The following USP7 variants were observed in gnomAD, a reference collection of about 807,000 sequenced individuals.
USP7 encodes the protein ubiquitin C-terminal hydrolase 7.
USP7 carries 9 observed loss-of-function variants against 162.9 expected under a neutral mutation model. The observed-to-expected ratio is 0.06, with a 90% CI of 0.03 to 0.10. USP7 has a LOEUF of 0.10. Among genes scored for constraint, USP7 ranks in the 10% least tolerant of loss-of-function variants. The pLI, the probability that USP7 is intolerant of heterozygous loss-of-function variation, is 1.00. For synonymous variants in USP7, 562 were observed against 475.9 expected (o/e 1.18, Z -2.35); for missense variants, 715 against 1,373.7 (o/e 0.52, Z 7.58).
At chr16:8,895,010 C>A in intron 28 of USP7, 21 bp downstream of exon 28, 2 of 1,614,164 alleles carry the variant, frequency 1.2e-6, no homozygotes, top group South Asian at 2.2e-5. Context: ...GTGAGCCACT[C>A]GGCCAACCAC....
intron 25 of USP7, among the ~76,000 whole-genome samples, 190 bp downstream of exon 25, chr16:8,898,170 G>A (rs2061719009): frequency 2.6e-5 from 4 of 152,136 alleles, no homozygotes; most frequent in Admixed American, 2.6e-4. Flanking sequence ...CACATGTCAT[G>A]CACCCCAGAG....
rs1227310309 is a variant in USP7 at position 8,953,525 on chromosome 16, A to G, written c.79+9682T>C. ...ACGTGCCCCATGCGGTGCCACTGGA[A>G]GCAGAGGGAAGACACGTGCCCCATG... On this transcript the variant is annotated intron_variant, in intron 1 of 30. Transcript: ENST00000344836. 4.3e-3 allele frequency among the ~76,000 whole-genome samples: 390 copies of G among 91,110 alleles called. No individual in the cohort carries two copies. The Middle Eastern group carries it at 0.043, about 10-fold the overall frequency. The allele number at this position is 91,110 out of a possible 152,430, so 59.8% of individuals were successfully genotyped here.
At chr16:8,924,918 A>T (rs1418557171) in intron 2 of USP7, among the ~76,000 whole-genome samples, 1 of 152,238 alleles carries the variant, frequency 6.6e-6, no homozygotes, top group Non-Finnish European at 1.5e-5. Flanking sequence ...AAAGAGGCGC[A>T]TCTTGTCCAA....
intron 11 of USP7, among the ~76,000 whole-genome samples, chr16:8,909,951 A>G (rs1241559888): frequency 2.0e-5 from 3 of 152,070 alleles, no homozygotes; most frequent in Non-Finnish European, 2.9e-5. Context: ...TTTCTGATCT[A>G]TACCTCAGTC....
rs1302369625 is a variant in USP7, at chr16:8,919,011, G to A, written c.720+20C>T. ...AAAGGGTGAGCGGAAGGCTGCAGGA[G>A]AGGAACACTATCCATTTACCTTTCG... On this transcript the variant is annotated intron_variant, in intron 6 of 30. Coordinates refer to ENST00000344836, the MANE Select transcript of USP7 (RefSeq NM_003470.3). 3 of 1,610,310 alleles carry A rather than the reference G, an allele frequency of 1.9e-6. No individual in the cohort carries two copies. The highest frequency in any genetic ancestry group is 2.5e-6 in the Non-Finnish European group (3 of 1,177,880).
chr16:8,929,663 C>A (rs1898204934), intron 2 of USP7: 2 of 440,854 alleles, frequency 4.5e-6, no homozygotes, highest in Non-Finnish European at 9.2e-6. Flanking sequence ...TCCCTACTCA[C>A]AAGTGTGACT....
chr16:8,894,467 C>T (rs2061650891), intron 30 of USP7, 83 bp downstream of exon 30: 1 of 1,432,904 alleles, frequency 7.0e-7, no homozygotes, highest in Non-Finnish European at 9.5e-7. Context: ...GCACTTGACC[C>T]TGGGGCTGCC....
At chr16:8,900,693 A>T (rs1596354267) in intron 20 of USP7, 63 bp from the exon 21 acceptor site, 1 of 1,223,976 alleles carries the variant, frequency 8.2e-7, no homozygotes, top group Non-Finnish European at 1.2e-6. Context: ...ATGGCCAGAT[A>T]GTCTTCCATG....
chr16:8,893,772 A>T lies in USP7; in HGVS notation c.*226T>A, dbSNP rs2061640120. On this transcript the variant is annotated 3_prime_UTR_variant, in exon 31 of 31. Transcript: ENST00000344836. ...CCTTGCACTGTGGTTACCATAAAATAACTCTCATTGGCATCCAAGCTTTAT... is the reference window on the plus strand; with the variant it reads ...CCTTGCACTGTGGTTACCATAAAATTACTCTCATTGGCATCCAAGCTTTAT... 1.0e-5 allele frequency: 5 copies of T among 498,394 alleles called. No individual in the cohort carries two copies. The allele number at this position is 498,394 out of a possible 1,614,324, so 30.9% of individuals were successfully genotyped here.
chr16:8,898,560 T>C lies in USP7; in HGVS notation c.2611A>G (p.Arg871Gly). 4 of 1,612,402 alleles carry C rather than the reference T, an allele frequency of 2.5e-6. No homozygotes were observed. The highest frequency in any genetic ancestry group is 3.4e-6 in the Non-Finnish European group (4 of 1,179,554). ...LRDLLQFFKPRQPKKLYYQQL... is the reference protein window; with the variant it reads ...LRDLLQFFKPGQPKKLYYQQL... Reference sequence around the variant, plus strand: ...TGATAGTAAAGTTTCTTAGGTTGTCTAGGCTTGAAGAACTGTAGAAGATCT... The same window carrying C: ...TGATAGTAAAGTTTCTTAGGTTGTCCAGGCTTGAAGAACTGTAGAAGATCT... The change falls in exon 24 of 31, where the codon AGA becomes GGA. Residue 871 changes from arginine (R) to glycine (G), a missense_variant. Arg to Gly is a moderately radical substitution (Grantham distance 125). This residue lies in a region of USP7 where 222 missense variants were observed against 441.7 expected (regional missense o/e 0.50). Transcript: ENST00000344836.
intron 15 of USP7, among the ~76,000 whole-genome samples, chr16:8,904,169 G>A (rs1364876833): frequency 6.6e-6 from 1 of 152,230 alleles, no homozygotes; most frequent in African/African-American, 2.4e-5. Flanking sequence ...AACAGTCCCG[G>A]TTTGTGTATC....
At chr16:8,946,560 T>C (rs75095558) in intron 1 of USP7, among the ~76,000 whole-genome samples, 7,124 of 152,218 alleles carry the variant, frequency 0.047, 227 homozygotes, top group Middle Eastern at 0.14. Context: ...ATCTCAAATA[T>C]ATAAACAACA....
At chr16:8,899,368 T>C (rs1198255448) in intron 22 of USP7, 180 bp from the exon 23 acceptor site, 3 of 743,938 alleles carry the variant, frequency 4.0e-6, no homozygotes, top group African/African-American at 3.5e-5. Flanking sequence ...GCATATCTGA[T>C]GAAGATAACT....
intron 1 of USP7, among the ~76,000 whole-genome samples, chr16:8,944,360 C>G (rs776271430): frequency 6.6e-6 from 1 of 152,178 alleles, no homozygotes; most frequent in Non-Finnish European, 1.5e-5. Context: ...AAGGAATTGC[C>G]TGGGCTATTT....
At chr16:8,940,941 G>C (rs1899015903) in intron 1 of USP7, among the ~76,000 whole-genome samples, 1 of 152,156 alleles carries the variant, frequency 6.6e-6, no homozygotes, top group African/African-American at 2.4e-5. Flanking sequence ...GGTCATAATA[G>C]GATACAATAA....
intron 13 of USP7, 121 bp from the exon 14 acceptor site, chr16:8,905,452 C>G (rs925961547): frequency 4.8e-6 from 6 of 1,250,346 alleles, no homozygotes; most frequent in Admixed American, 1.9e-5. Flanking sequence ...GAAAAAATAT[C>G]CATGTGTGTT....
At chr16:8,946,855 AAT>A (rs1899309001) in intron 1 of USP7, among the ~76,000 whole-genome samples, 1 of 152,266 alleles carries the variant, frequency 6.6e-6, no homozygotes, top group African/African-American at 2.4e-5. Flanking sequence ...TCAACTTTTT[AAT>A]ATAACTGTAT....
chr16:8,933,982 C>T (rs570614430), intron 1 of USP7, among the ~76,000 whole-genome samples: 1 of 152,158 alleles, frequency 6.6e-6, no homozygotes, highest in South Asian at 2.1e-4. Flanking sequence ...GTCTCAAACT[C>T]ATGACCTCAA....
intron 16 of USP7, 79 bp downstream of exon 16, chr16:8,903,189 A>G (rs755395704): frequency 2.9e-5 from 45 of 1,543,036 alleles, no homozygotes; most frequent in Non-Finnish European, 3.8e-5. Context: ...CCCAAAGGCA[A>G]TCAGTATTTT....
Sources: allele counts gnomAD v4.1 joint callset (sites outside exome capture counted in the v4.1 genomes callset), GRCh38; gene constraint gnomAD v4.1.1; regional missense constraint gnomAD v4.1.1; transcripts MANE v1.5; gene names NCBI Gene and HGNC (gene_info 2026-07-23, HGNC 2026-07-21).